The following DEUP1 variants were observed in gnomAD, a reference collection of about 807,000 sequenced individuals.
DEUP1 encodes the protein deuterosome assembly protein 1.
DEUP1 carries 82 observed loss-of-function variants against 87.4 expected under a neutral mutation model. The observed-to-expected ratio is 0.94, with a 90% CI of 0.78 to 1.13. The LOEUF is 1.13. Ranked by LOEUF, DEUP1 falls within the 50% of genes most tolerant of loss-of-function variation. DEUP1 has a pLI of 0.00. For missense variants in DEUP1, 663 were observed against 681.5 expected (o/e 0.97, Z 0.30); for synonymous variants, 214 against 222.7 (o/e 0.96, Z 0.35).
At chr11:93,355,286 C>T (rs1944842283) in intron 2 of DEUP1, 85 bp from the exon 3 acceptor site, 1 of 1,125,796 alleles carries the variant, frequency 8.9e-7, no homozygotes, top group Non-Finnish European at 1.3e-6. Context: ...AAATAATGTT[C>T]AAGCTATGCA....
At chr11:93,399,537 T>C (rs1405468962) in intron 11 of DEUP1, among the ~76,000 whole-genome samples, 2 of 151,838 alleles carry the variant, frequency 1.3e-5, no homozygotes, top group Admixed American at 6.6e-5. Context: ...TTCCTAGGTG[T>C]TTTTTAAGGA....
At chr11:93,436,861 T>C (rs1241230132) in intron 13 of DEUP1, among the ~76,000 whole-genome samples, 7 of 152,224 alleles carry the variant, frequency 4.6e-5, no homozygotes. Flanking sequence ...AATTATCTGA[T>C]GTTGTCCTTT....
rs190232222 is a variant in DEUP1 at position 93,385,157 on chromosome 11, C to T, written c.790-241C>T. 1.2e-4 allele frequency among the ~76,000 whole-genome samples: 18 copies of T among 152,084 alleles called. No homozygotes were observed. The East Asian group carries it at 2.7e-3, about 23-fold the overall frequency. On this transcript the variant is annotated intron_variant, in intron 7 of 13. Coordinates refer to ENST00000298050, the MANE Select transcript of DEUP1 (RefSeq NM_181645.4). ...GAATTGGTTGAACCCGGGAGGCAGT[C>T]GCAATGAGCCAAGATCGTGCCACTG...
intron 13 of DEUP1, among the ~76,000 whole-genome samples, chr11:93,416,302 AAAAG>A (rs1470822084): frequency 6.6e-6 from 1 of 152,188 alleles, no homozygotes; most frequent in African/African-American, 2.4e-5. Context: ...AATAAAGAAA[AAAAG>A]AGAGAAGAAT....
chr11:93,341,367 G>A (rs530322356), intron 2 of DEUP1, among the ~76,000 whole-genome samples: 11 of 152,162 alleles, frequency 7.2e-5, no homozygotes, highest in South Asian at 4.2e-4. Context: ...TCTCGCCTCC[G>A]TCATGTAAGA....
intron 2 of DEUP1, among the ~76,000 whole-genome samples, chr11:93,333,398 C>G (rs973938353): frequency 1.3e-5 from 2 of 152,164 alleles, no homozygotes; most frequent in African/African-American, 4.8e-5. Context: ...GCCATCATGA[C>G]TGTGCTCCTT....
intron 12 of DEUP1, 59 bp from the exon 13 acceptor site, chr11:93,414,941 C>A: frequency 1.1e-6 from 1 of 936,996 alleles, no homozygotes; most frequent in Non-Finnish European, 1.5e-6. Flanking sequence ...AAATCCTTAG[C>A]TACATAAATA....
intron 7 of DEUP1, among the ~76,000 whole-genome samples, chr11:93,382,108 C>T (rs922648478): frequency 3.3e-5 from 5 of 152,074 alleles, no homozygotes; most frequent in Non-Finnish European, 2.9e-5. Flanking sequence ...GAGTCAAGTA[C>T]CAAAGAATCA....
chr11:93,437,745 C>CCCCCA lies in DEUP1; in HGVS notation c.*30_*31insACCCC, dbSNP rs1565360184. Reference sequence around the variant, plus strand: ...GCTTTTAAACTTTTTTATTTGCTTCCCCCCCCCACCCCCGCCAAGAAAAAA... The same window carrying CCCCCA: ...GCTTTTAAACTTTTTTATTTGCTTCCCCCCACCCCCCCACCCCCGCCAAGAAAAAA... On this transcript the variant is annotated 3_prime_UTR_variant, in exon 14 of 14. Transcript: ENST00000298050. 2 of 1,025,234 alleles carry CCCCCA rather than the reference C, an allele frequency of 2.0e-6. No homozygotes were observed. The highest frequency in any genetic ancestry group is 3.0e-5 in the South Asian group (2 of 66,362). The allele number at this position is 1,025,234 out of a possible 1,614,324, so 63.5% of individuals were successfully genotyped here.
intron 11 of DEUP1, among the ~76,000 whole-genome samples, chr11:93,404,388 G>A (rs1447982929): frequency 6.6e-6 from 1 of 151,758 alleles, no homozygotes; most frequent in African/African-American, 2.4e-5. Flanking sequence ...GATTTAATTA[G>A]AACTCAGAAT....
intron 7 of DEUP1, among the ~76,000 whole-genome samples, chr11:93,380,639 G>T (rs1946263169): frequency 6.6e-6 from 1 of 151,958 alleles, no homozygotes; most frequent in Admixed American, 6.6e-5. Context: ...TCCTGACCTT[G>T]TGATCCACCC....
chr11:93,416,071 A>G (rs1398273728), intron 13 of DEUP1, among the ~76,000 whole-genome samples: 1 of 152,176 alleles, frequency 6.6e-6, no homozygotes, highest in Non-Finnish European at 1.5e-5. Context: ...AGGTACCGCC[A>G]AACTATTTTC....
At chr11:93,334,510 C>T (rs966249013) in intron 2 of DEUP1, among the ~76,000 whole-genome samples, 3 of 152,010 alleles carry the variant, frequency 2.0e-5, no homozygotes, top group Non-Finnish European at 4.4e-5. Flanking sequence ...ATAAAGCAGG[C>T]TAAGGGTGGG....
intron 9 of DEUP1, among the ~76,000 whole-genome samples, chr11:93,390,182 C>T (rs941562072): frequency 2.0e-5 from 3 of 152,158 alleles, no homozygotes; most frequent in Non-Finnish European, 4.4e-5. Context: ...TCAATTAGTG[C>T]ACTGCATAGT....
chr11:93,335,150 T>C (rs538339026), intron 2 of DEUP1, among the ~76,000 whole-genome samples: 3 of 152,350 alleles, frequency 2.0e-5, no homozygotes, highest in African/African-American at 7.2e-5. Flanking sequence ...AAATTTGATA[T>C]CTTCTTTGAC....
chr11:93,342,542 G>T (rs1032966771), intron 2 of DEUP1, among the ~76,000 whole-genome samples: 1 of 152,210 alleles, frequency 6.6e-6, no homozygotes, highest in African/African-American at 2.4e-5. Flanking sequence ...CACAATATCT[G>T]CTGCAGCCCT....
intron 5 of DEUP1, among the ~76,000 whole-genome samples, chr11:93,367,902 A>C (rs1945503259): frequency 6.6e-6 from 1 of 152,218 alleles, no homozygotes; most frequent in South Asian, 2.1e-4. Context: ...TATAAGTGGC[A>C]CCTGGCACTT....
intron 12 of DEUP1, chr11:93,410,998 G>A (rs1947420697): frequency 6.6e-6 from 1 of 152,190 alleles, no homozygotes; most frequent in South Asian, 2.1e-4. Context: ...GTGTTTTCCA[G>A]TGACCTGTTT....
chr11:93,371,001 T>A, intron 6 of DEUP1, 37 bp from the exon 7 acceptor site: 2 of 1,559,982 alleles, frequency 1.3e-6, no homozygotes, highest in Non-Finnish European at 1.7e-6. Flanking sequence ...AAATATGACA[T>A]TCTTCATTTG....
Sources: allele counts gnomAD v4.1 joint callset (sites outside exome capture counted in the v4.1 genomes callset), GRCh38; gene constraint gnomAD v4.1.1; transcripts MANE v1.5; gene names NCBI Gene and HGNC (gene_info 2026-07-23, HGNC 2026-07-21).